CTC1: variants seen among roughly 807,000 people sequenced by gnomAD.
CTC1 encodes the protein CST complex subunit CTC1.
Under a neutral mutation model 136.3 loss-of-function variants are expected in CTC1, and 91 were observed. That is an observed-to-expected ratio of 0.67 (90% CI 0.56 to 0.79). CTC1 has a LOEUF of 0.79. CTC1 is among the 30% of genes least tolerant of loss of function. The pLI, the probability that CTC1 is intolerant of heterozygous loss-of-function variation, is 0.00. For synonymous variants in CTC1, 606 were observed against 613.8 expected (o/e 0.99, Z 0.19); for missense variants, 1,432 against 1,498.1 (o/e 0.96, Z 0.73).
At position 8,230,663 on chromosome 17, in the gene CTC1, G is replaced by T; in HGVS notation, c.2670-12C>A. 6.2e-7 allele frequency: 1 copy of T among 1,611,626 alleles called. No homozygotes were observed. ...AGGAATCTGTGAAACTGGAAGGTCA[G>T]GGAAATACACTGAGAATGGAGGCAC... On this transcript the variant is annotated splice_polypyrimidine_tract_variant and intron_variant, in intron 15 of 22. Transcript: ENST00000651323.
intron 2 of CTC1, among the ~76,000 whole-genome samples, chr17:8,241,849 C>CAAAAAAAA (rs59476896): frequency 3.1e-5 from 3 of 96,328 alleles, no homozygotes; most frequent in African/African-American, 4.3e-5. Flanking sequence ...GACCCTGTCT[C>CAAAAAAAA]AAAAAAAAAA....
chr17:8,232,594 C>CA (rs1440524695), intron 11 of CTC1, 119 bp from the exon 12 acceptor site: 10 of 792,216 alleles, frequency 1.3e-5, no homozygotes, highest in Non-Finnish European at 2.1e-5. Context: ...CCTCACATGA[C>CA]ATGAAAGCCC....
chr17:8,246,488 C>A (rs1014230165), intron 1 of CTC1, among the ~76,000 whole-genome samples: 3 of 152,186 alleles, frequency 2.0e-5, no homozygotes, highest in Admixed American at 2.0e-4. Flanking sequence ...TTCTAGAACT[C>A]TTCTAGTGTT....
At chr17:8,233,506 A>G (rs1336227183) in intron 10 of CTC1, 2 of 155,266 alleles carry the variant, frequency 1.3e-5, no homozygotes, top group African/African-American at 4.8e-5. Flanking sequence ...GCAGTGGCTC[A>G]TGCCTATAAT....
chr17:8,237,025 C>T (rs1356959933), intron 5 of CTC1, among the ~76,000 whole-genome samples: 1 of 135,912 alleles, frequency 7.4e-6, no homozygotes, highest in Non-Finnish European at 1.6e-5. Context: ...AAAGAGTCAA[C>T]AGTAAGTACC....
chr17:8,236,955 A>G (rs1987779023), intron 5 of CTC1, among the ~76,000 whole-genome samples: 1 of 152,048 alleles, frequency 6.6e-6, no homozygotes, highest in African/African-American at 2.4e-5. Context: ...AAACTTGCAC[A>G]TGTACCTCAT....
chr17:8,229,951 C>G lies in CTC1; in HGVS notation c.2951G>C (p.Cys984Ser). ...CACATAAGTGGATGACCGGAAACAA[C>G]AATAAACATTGTGAGATCTGCAAGT... ...KRVSRSHNVY[C>S]CFRSSTYVQV... is the part of the protein sequence containing the mutation. Residue 984 changes from cysteine (C) to serine (S), a missense_variant, in exon 18 of 23, where the codon TGT becomes TCT. Physicochemically the swap from Cys to Ser is moderately radical, Grantham distance 112. Transcript: ENST00000651323. 6.2e-7 allele frequency: 1 copy of G among 1,614,046 alleles called. No homozygotes were observed. Among genetic ancestry groups the G allele is most frequent in the Non-Finnish European group, 8.5e-7 (1 of 1,180,014 alleles).
intron 4 of CTC1, 81 bp from the exon 5 acceptor site, chr17:8,237,600 G>A (rs1053830278): frequency 8.6e-7 from 1 of 1,159,486 alleles, no homozygotes; most frequent in Admixed American, 2.3e-5. Flanking sequence ...GAAAGGCAGA[G>A]GTTGCAGTAA....
intron 2 of CTC1, among the ~76,000 whole-genome samples, chr17:8,242,553 A>AAAAT (rs1555536345): frequency 1.7e-5 from 1 of 60,400 alleles, no homozygotes; most frequent in Non-Finnish European, 3.3e-5. Context: ...AAAAAAAAAA[A>AAAAT]ATATATATAT....
chr17:8,235,204 G>C lies in CTC1; in HGVS notation c.1288C>G (p.Leu430Val), dbSNP rs749874920. The C allele has an allele frequency of 6.2e-7, 1 of 1,614,184 alleles. No homozygotes were observed. Among genetic ancestry groups the C allele is most frequent in the African/African-American group, 1.3e-5 (1 of 75,052 alleles). Residue 430 changes from leucine to valine, a missense_variant, in exon 8 of 23, where the codon CTG becomes GTG. Coordinates refer to ENST00000651323, the MANE Select transcript of CTC1 (RefSeq NM_025099.6). ...TTCTGACGAGAGAAGCTTTGAAGCA[G>C]AACGGCGCCACGGAGGCAGGGGGCG... is the stretch of plus-strand genomic sequence containing the variant. Reference protein sequence around the residue: ...VLAPCLRGAVLLQSFSRQKPG... With the variant: ...VLAPCLRGAVVLQSFSRQKPG...
chr17:8,237,038 G>GTTTTTTTTTTTTTT (rs59734806), intron 5 of CTC1, among the ~76,000 whole-genome samples: 1 of 142,916 alleles, frequency 7.0e-6, no homozygotes, highest in Non-Finnish European at 1.5e-5. Flanking sequence ...TAAGTACCAA[G>GTTTTTTTTTTTTTT]TTTTTTTTTT....
Position 8,227,973 on chromosome 17 carries a change from A to G in CTC1, c.*207T>C, listed in dbSNP as rs774013108. On this transcript the variant is annotated 3_prime_UTR_variant, in exon 23 of 23. Coordinates refer to ENST00000651323, the MANE Select transcript of CTC1 (RefSeq NM_025099.6). ...AGGTGCCTTGTCCCAATCAGAGGACATATTAATAGGGCCATGATTTCCTGT... is the reference window on the plus strand; with the variant it reads ...AGGTGCCTTGTCCCAATCAGAGGACGTATTAATAGGGCCATGATTTCCTGT... The G allele has an allele frequency of 5.7e-5, 31 of 542,270 alleles. No individual in the cohort carries two copies. Among genetic ancestry groups the G allele is most frequent in the Non-Finnish European group, 9.9e-5 (30 of 303,132 alleles). The allele number at this position is 542,270 out of a possible 1,614,324, so 33.6% of individuals were successfully genotyped here.
At chr17:8,247,846 A>T (rs1007021721) in intron 1 of CTC1, 158 bp downstream of exon 1, 1 of 682,972 alleles carries the variant, frequency 1.5e-6, no homozygotes, top group Non-Finnish European at 2.6e-6. Context: ...CATTCGCAGA[A>T]CCAGTAAGAG....
At chr17:8,244,260 T>C (rs1170006008) in intron 1 of CTC1, among the ~76,000 whole-genome samples, 1 of 152,216 alleles carries the variant, frequency 6.6e-6, no homozygotes, top group Non-Finnish European at 1.5e-5. Context: ...TTTCCTGTTG[T>C]CTTTTCAGCT....
chr17:8,228,976 G>C, intron 20 of CTC1, 84 bp from the exon 21 acceptor site: 1 of 1,508,578 alleles, frequency 6.6e-7, no homozygotes. Context: ...CCTCCCCGCT[G>C]TCTGCAGTCT....
At chr17:8,230,228 A>AG in intron 17 of CTC1, 66 bp downstream of exon 17, 1 of 1,488,310 alleles carries the variant, frequency 6.7e-7, no homozygotes, top group South Asian at 1.3e-5. Context: ...AAAGTTAAGC[A>AG]GGGGTGCACA....
In CTC1 at chr17:8,231,426, C is replaced by T. The variant is rs776840732; in HGVS notation, c.2519G>A (p.Arg840Gln). ...FEKDGSSCIS[R>Q]RPLELAGCAS... is the part of the protein sequence containing the mutation. ...ACAGCCAGCCAACTCCAGAGGACGC[C>T]GAGATATGCAGGATGAACCATCCTT... Residue 840 changes from arginine to glutamine, a missense_variant, in exon 15 of 23, where the codon CGG becomes CAG. Transcript: ENST00000651323. 3.7e-6 allele frequency: 6 copies of T among 1,613,120 alleles called. No individual in the cohort carries two copies. Among genetic ancestry groups the T allele is most frequent in the East Asian group, 2.2e-5 (1 of 44,846 alleles).
Position 8,234,635 on chromosome 17 carries a change from G to A in CTC1, c.1638C>T (p.Pro546=), listed in dbSNP as rs2151517678. The change falls in exon 10 of 23, where the codon CCC becomes CCT. Residue 546 remains proline, a synonymous_variant. Coordinates refer to ENST00000651323, the MANE Select transcript of CTC1 (RefSeq NM_025099.6). ...PLQKYTRLQT[P]SSFPTLATLK... is the part of the protein sequence containing the mutation. Reference sequence around the variant, plus strand: ...GGGTGGCCAGAGTGGGGAAGGAGGAGGGAGTCTGCAGCCGAGTGTACTGTC... The same window carrying A: ...GGGTGGCCAGAGTGGGGAAGGAGGAAGGAGTCTGCAGCCGAGTGTACTGTC... 28 of 1,612,270 alleles carry A rather than the reference G, an allele frequency of 1.7e-5. No individual in the cohort carries two copies. The highest frequency in any genetic ancestry group is 2.3e-5 in the Non-Finnish European group (27 of 1,178,884).
In CTC1 at chr17:8,238,201, C is replaced by A. The variant is rs200658590; in HGVS notation, c.477G>T (p.Leu159=). Residue 159 remains leucine, a synonymous_variant, in exon 4 of 23, where the codon CTG becomes CTT. Transcript: ENST00000651323. ...GAGGGAGGTAACTCCAACGGGGGAA[C>A]AGAAAAAGATGGCCCAACCAAGAAA... ...LDLSWLGHLF[L]FPRWSYLPPA... The A allele has an allele frequency of 2.0e-3, 3,270 of 1,611,894 alleles. 45 individuals are homozygous for A. The South Asian group carries it at 0.029, about 14-fold the overall frequency.
Sources: gnomAD v4.1 joint callset for allele counts (sites outside exome capture counted in the v4.1 genomes callset) on GRCh38, gnomAD v4.1.1 for gene constraint, MANE v1.5 for transcripts, NCBI Gene and HGNC (gene_info 2026-07-23, HGNC 2026-07-21) for gene names.